ZFYVE28: variants seen among roughly 807,000 people sequenced by gnomAD.
ZFYVE28 encodes lateral signaling target protein 2 homolog.
A neutral mutation model predicts 82.1 loss-of-function variants in ZFYVE28; 40 were observed. That is an observed-to-expected ratio of 0.49 (90% CI 0.38 to 0.63). The LOEUF is 0.63. Among genes scored for constraint, ZFYVE28 ranks in the 30% least tolerant of loss-of-function variants. The pLI is 0.00. For synonymous variants in ZFYVE28, 612 were observed against 546.1 expected (o/e 1.12, Z -1.68); for missense variants, 1,321 against 1,242.1 (o/e 1.06, Z -0.96).
intron 1 of ZFYVE28, among the ~76,000 whole-genome samples, chr4:2,383,706 G>A (rs1728959916): frequency 6.6e-6 from 1 of 152,180 alleles, no homozygotes; most frequent in South Asian, 2.1e-4. Flanking sequence ...GGAGTGAATG[G>A]CAGGCCACAC....
chr4:2,296,909 C>A (rs1458495281), intron 8 of ZFYVE28, among the ~76,000 whole-genome samples: 1 of 152,120 alleles, frequency 6.6e-6, no homozygotes. Context: ...CTCTGAGCCC[C>A]CAGAAGAGCT....
intron 4 of ZFYVE28, among the ~76,000 whole-genome samples, chr4:2,338,886 T>C (rs1440528636): frequency 6.6e-6 from 1 of 152,196 alleles, no homozygotes; most frequent in African/African-American, 2.4e-5. Flanking sequence ...ATGCAGTGGC[T>C]GGATCGCAGC....
chr4:2,313,108 T>G (rs1181249901), intron 7 of ZFYVE28, among the ~76,000 whole-genome samples: 1 of 151,394 alleles, frequency 6.6e-6, no homozygotes, highest in Non-Finnish European at 1.5e-5. Flanking sequence ...TTTTTCCAGG[T>G]TTTTCCAGGT....
chr4:2,303,276 A>G (rs1381653918), intron 8 of ZFYVE28, among the ~76,000 whole-genome samples: 1 of 152,084 alleles, frequency 6.6e-6, no homozygotes, highest in Non-Finnish European at 1.5e-5. Flanking sequence ...GGGAAGAAGG[A>G]GGCGTCTGCC....
chr4:2,317,476 C>G (rs994685456), intron 7 of ZFYVE28, among the ~76,000 whole-genome samples: 1 of 152,198 alleles, frequency 6.6e-6, no homozygotes, highest in Non-Finnish European at 1.5e-5. Flanking sequence ...GGCCTGGTTA[C>G]TGCAGTTCTG....
At chr4:2,282,880 C>T (rs1188756767) in intron 8 of ZFYVE28, among the ~76,000 whole-genome samples, 1 of 150,178 alleles carries the variant, frequency 6.7e-6, no homozygotes, top group African/African-American at 2.5e-5. Flanking sequence ...GAATTCAAGG[C>T]TAGCCTGCGT....
intron 7 of ZFYVE28, 31 bp from the exon 8 acceptor site, chr4:2,305,567 G>A (rs765515146): frequency 3.7e-6 from 6 of 1,611,966 alleles, no homozygotes; most frequent in Non-Finnish European, 5.1e-6. Flanking sequence ...CAAGGGTGAG[G>A]GTCCCAAAAG....
intron 6 of ZFYVE28, among the ~76,000 whole-genome samples, chr4:2,325,776 T>C (rs1177819002): frequency 6.6e-6 from 1 of 152,034 alleles, no homozygotes. Flanking sequence ...TTTTTGCTGT[T>C]GGGATGAGGT....
chr4:2,326,571 T>TA (rs955638309), intron 6 of ZFYVE28, among the ~76,000 whole-genome samples: 16 of 152,074 alleles, frequency 1.1e-4, no homozygotes, highest in East Asian at 3.9e-4. Context: ...TCTCTTTCCA[T>TA]AAAAAAAATG....
chr4:2,349,041 G>C (rs989726159), intron 2 of ZFYVE28, among the ~76,000 whole-genome samples: 45 of 152,156 alleles, frequency 3.0e-4, no homozygotes, highest in Non-Finnish European at 5.6e-4. Context: ...CCCAGTCTGA[G>C]TGGATTTAGT....
At chr4:2,321,548 G>A (rs996381632) in intron 6 of ZFYVE28, among the ~76,000 whole-genome samples, 2 of 151,920 alleles carry the variant, frequency 1.3e-5, no homozygotes, top group African/African-American at 4.8e-5. Context: ...CATTCTGCTT[G>A]GTCTCCTTTG....
chr4:2,322,572 TG>T (rs1321274226), intron 6 of ZFYVE28, among the ~76,000 whole-genome samples: 2 of 152,154 alleles, frequency 1.3e-5, no homozygotes, highest in African/African-American at 4.8e-5. Context: ...CTGCTGGAAG[TG>T]GGGGTGGCCA....
At chr4:2,380,155 A>G (rs1205056697) in intron 1 of ZFYVE28, among the ~76,000 whole-genome samples, 1 of 152,230 alleles carries the variant, frequency 6.6e-6, no homozygotes, top group African/African-American at 2.4e-5. Context: ...ATCTTGGTAC[A>G]CCATCATTTC....
intron 6 of ZFYVE28, among the ~76,000 whole-genome samples, chr4:2,321,251 C>T (rs950971089): frequency 1.3e-5 from 2 of 152,110 alleles, no homozygotes; most frequent in South Asian, 4.1e-4. Flanking sequence ...TTTCAGCAGA[C>T]GTGACACCAG....
intron 7 of ZFYVE28, among the ~76,000 whole-genome samples, chr4:2,311,546 T>G (rs1186581694): frequency 1.3e-5 from 2 of 152,128 alleles, no homozygotes; most frequent in African/African-American, 4.8e-5. Flanking sequence ...AAAACCTAAC[T>G]TTTGGGTTTG....
intron 1 of ZFYVE28, among the ~76,000 whole-genome samples, chr4:2,354,786 A>C (rs1724992904): frequency 6.8e-6 from 1 of 147,516 alleles, no homozygotes; most frequent in Admixed American, 6.9e-5. Context: ...TCACAAAACC[A>C]AAATATGAAG....
At chr4:2,402,797 C>T (rs1353019788) in intron 1 of ZFYVE28, among the ~76,000 whole-genome samples, 1 of 152,226 alleles carries the variant, frequency 6.6e-6, no homozygotes, top group Non-Finnish European at 1.5e-5. Flanking sequence ...TTTAAGCTCA[C>T]TCTGCTCTCA....
At chr4:2,377,010 G>A (rs983206522) in intron 1 of ZFYVE28, among the ~76,000 whole-genome samples, 3 of 152,006 alleles carry the variant, frequency 2.0e-5, no homozygotes, top group Admixed American at 1.3e-4. Flanking sequence ...GGACAGCACT[G>A]GTCTAAGACT....
intron 7 of ZFYVE28, among the ~76,000 whole-genome samples, chr4:2,315,310 G>A (rs905168018): frequency 2.6e-5 from 4 of 152,096 alleles, no homozygotes; most frequent in Non-Finnish European, 5.9e-5. Context: ...TTTTGAAACA[G>A]AGTCTCACTC....
Sources: gnomAD v4.1 joint callset for allele counts (sites outside exome capture counted in the v4.1 genomes callset) on GRCh38, gnomAD v4.1.1 for gene constraint, MANE v1.5 for transcripts, NCBI Gene and HGNC (gene_info 2026-07-23, HGNC 2026-07-21) for gene names.